GEN1: variants seen among roughly 807,000 people sequenced by gnomAD.
The protein encoded by GEN1 is GEN1 structure-specific endonuclease, also known as flap endonuclease GEN homolog 1.
A neutral mutation model predicts 67.6 loss-of-function variants in GEN1; 64 were observed. That is an observed-to-expected ratio of 0.95 (90% CI 0.77 to 1.17). The LOEUF (loss-of-function observed/expected upper bound fraction) is 1.17, where lower values mean the gene tolerates loss of function less well. Among genes scored for constraint, GEN1 ranks in the 50% most tolerant of loss-of-function variants. The probability of loss-of-function intolerance (pLI) is 0.00; values close to 1 mark genes in which losing one functional copy is unlikely to be tolerated. For missense variants in GEN1, 1,058 were observed against 1,048.3 expected (o/e 1.01, Z -0.13); for synonymous variants, 371 against 359.4 (o/e 1.03, Z -0.37).
At position 17,785,147 on chromosome 2, in the gene GEN1, C is replaced by G. The variant is rs1211895358; in HGVS notation, c.*3208C>G. The G allele has an allele frequency of 6.6e-6, 1 of 152,218 alleles. No individual in the cohort carries two copies. The highest frequency in any genetic ancestry group is 6.5e-5 in the Admixed American group (1 of 15,278). 9.4% of individuals were successfully genotyped at this position (152,218 alleles called of 1,614,324 possible). ...TGGAACAGCTTCATCCCACAGCCAT[C>G]TCCCCCTCATCATCCGTGGAAAAAC... On this transcript the variant is annotated 3_prime_UTR_variant, in exon 14 of 14. Coordinates refer to ENST00000381254, the MANE Select transcript of GEN1 (RefSeq NM_001130009.3).
At chr2:17,766,737 G>A (rs765514042) in intron 5 of GEN1, 48 bp downstream of exon 5, 19 of 977,814 alleles carry the variant, frequency 1.9e-5, no homozygotes, top group Middle Eastern at 2.1e-4. Context: ...AGTCTTTTTC[G>A]TACTTTATGT....
intron 5 of GEN1, among the ~76,000 whole-genome samples, chr2:17,768,158 C>T (rs1396053330): frequency 1.3e-5 from 2 of 152,196 alleles, no homozygotes; most frequent in African/African-American, 4.8e-5. Context: ...TATTCATACA[C>T]TTATAGGGGC....
At chr2:17,779,913 C>A in intron 12 of GEN1, 65 bp from the exon 13 acceptor site, 1 of 1,349,802 alleles carries the variant, frequency 7.4e-7, no homozygotes, top group Non-Finnish European at 1.0e-6. Flanking sequence ...AGCCATCAAG[C>A]CTGACCGATT....
chr2:17,777,050 C>G (rs887779834), intron 11 of GEN1, among the ~76,000 whole-genome samples: 2 of 152,054 alleles, frequency 1.3e-5, no homozygotes, highest in Non-Finnish European at 2.9e-5. Flanking sequence ...CTCTTGAACC[C>G]AGGAGGCAGA....
chr2:17,754,373 G>T (rs1671290235), intron 1 of GEN1, 28 bp downstream of exon 1: 1 of 152,188 alleles, frequency 6.6e-6, no homozygotes, highest in African/African-American at 2.4e-5. Context: ...TGGAGAGACG[G>T]CGCCGCCCGG....
chr2:17,761,694 G>T, intron 3 of GEN1, 112 bp downstream of exon 3: 1 of 704,226 alleles, frequency 1.4e-6, no homozygotes, highest in East Asian at 3.0e-5. Context: ...TAGCAGGGAT[G>T]TGCCTAGAGA....
intron 4 of GEN1, among the ~76,000 whole-genome samples, 187 bp from the exon 5 acceptor site, chr2:17,766,392 A>T (rs767327188): frequency 6.6e-6 from 1 of 151,962 alleles, no homozygotes; most frequent in Non-Finnish European, 1.5e-5. Flanking sequence ...CTGGTCTCAA[A>T]CTCCTGACCT....
At chr2:17,779,429 A>G (rs1394878562) in intron 12 of GEN1, among the ~76,000 whole-genome samples, 1 of 152,258 alleles carries the variant, frequency 6.6e-6, no homozygotes, top group African/African-American at 2.4e-5. Flanking sequence ...AAGAGGATTT[A>G]AAGTTCTAAT....
At position 17,780,752 on chromosome 2, in the gene GEN1, G is replaced by A. The variant is rs374734445; in HGVS notation, c.1540G>A (p.Asp514Asn). 2 of 1,613,872 alleles carry A rather than the reference G, an allele frequency of 1.2e-6. No individual in the cohort carries two copies. Among genetic ancestry groups the A allele is most frequent in the South Asian group, 1.1e-5 (1 of 91,072 alleles). Residue 514 changes from aspartate (D) to asparagine (N), a missense_variant, in exon 14 of 14, where the codon GAT becomes AAT. Asp to Asn is a conservative substitution (Grantham distance 23). Coordinates refer to ENST00000381254, the MANE Select transcript of GEN1 (RefSeq NM_001130009.3). ...NSKLNSGISP[D>N]PTLPQESISA... Reference sequence around the variant, plus strand: ...CAAGTTAAATTCGGGGATTTCCCCTGATCCTACATTACCACAGGAATCTAT... The same window carrying A: ...CAAGTTAAATTCGGGGATTTCCCCTAATCCTACATTACCACAGGAATCTAT...
At position 17,771,273 on chromosome 2, in the gene GEN1, T is replaced by C. The variant is rs1672178207; in HGVS notation, c.788T>C (p.Val263Ala). 1 of 1,598,348 alleles carries C rather than the reference T, an allele frequency of 6.3e-7. No homozygotes were observed. Among genetic ancestry groups the C allele is most frequent in the African/African-American group, 1.3e-5 (1 of 74,564 alleles). ...LVTKKLAHCS[V>A]CSHPGSPKDH... ...ACTAAAAAACTGGCTCATTGTTCCG[T>C]ATGTTCCCATCCAGGTAAGGAGACA... Residue 263 changes from valine to alanine, a missense_variant, in exon 7 of 14, where the codon GTA (valine) becomes GCA (alanine). Transcript: ENST00000381254.
intron 6 of GEN1, 150 bp downstream of exon 6, chr2:17,768,961 T>G (rs528526577): frequency 1.3e-4 from 66 of 489,274 alleles, no homozygotes; most frequent in African/African-American, 1.1e-3. Context: ...AATTTATTTT[T>G]ATTTATTTTG....
At chr2:17,760,745 C>A (rs1339339190) in intron 2 of GEN1, among the ~76,000 whole-genome samples, 1 of 151,904 alleles carries the variant, frequency 6.6e-6, no homozygotes, top group African/African-American at 2.4e-5. Flanking sequence ...GATGGAGAAA[C>A]CCCATCTCTA....
Position 17,783,978 on chromosome 2 carries a change from A to C in GEN1, c.*2039A>C, listed in dbSNP as rs1672960880. ...ATATACCCAAAGCATAGGCAACAAA[A>C]GAGAATACACAAACTGGACTTCATC... is the stretch of plus-strand genomic sequence containing the variant. On this transcript the variant is annotated 3_prime_UTR_variant, in exon 14 of 14. Transcript: ENST00000381254. 6.6e-6 allele frequency: 1 copy of C among 152,258 alleles called. No homozygotes were observed. Among genetic ancestry groups the C allele is most frequent in the Non-Finnish European group, 1.5e-5 (1 of 68,040 alleles). The allele number at this position is 152,258 out of a possible 1,614,324, so 9.4% of individuals were successfully genotyped here. A position where few individuals can be genotyped will look rare whatever the true frequency, so the allele number is the denominator to read the frequency against.
At chr2:17,755,600 T>C (rs1267559763) in intron 1 of GEN1, 1 of 152,202 alleles carries the variant, frequency 6.6e-6, no homozygotes, top group African/African-American at 2.4e-5. Context: ...TGAAATAGTT[T>C]TCACCATTTA....
chr2:17,762,442 C>T lies in GEN1; in HGVS notation c.348+860C>T, dbSNP rs189033577. Among the ~76,000 whole-genome samples, 57 of 151,994 alleles carry T rather than the reference C, an allele frequency of 3.8e-4. 1 individual carries two copies. Among genetic ancestry groups the T allele is most frequent in the African/African-American group, 1.0e-3 (42 of 41,492 alleles). On this transcript the variant is annotated intron_variant, in intron 3 of 13. Coordinates refer to ENST00000381254, the MANE Select transcript of GEN1 (RefSeq NM_001130009.3). ...CAGAATGGTCTCGATCTCCTGACTTCGTGATCCGCCTGCCTCGGCCTCCTG... is the reference window on the plus strand; with the variant it reads ...CAGAATGGTCTCGATCTCCTGACTTTGTGATCCGCCTGCCTCGGCCTCCTG...
intron 5 of GEN1, among the ~76,000 whole-genome samples, chr2:17,767,109 G>A (rs1000802184): frequency 7.9e-5 from 12 of 152,066 alleles, no homozygotes; most frequent in Non-Finnish European, 1.6e-4. Context: ...GCTAAGTCAC[G>A]TGATCATTGG....
intron 3 of GEN1, among the ~76,000 whole-genome samples, chr2:17,764,541 G>C (rs550311083): frequency 1.3e-5 from 2 of 152,006 alleles, no homozygotes; most frequent in South Asian, 4.2e-4. Flanking sequence ...CCATTATCTT[G>C]GCTCATCTTG....
At position 17,785,921 on chromosome 2, in the gene GEN1, T is replaced by C. The variant is rs1463399504; in HGVS notation, c.*3982T>C. 6.6e-6 allele frequency: 1 copy of C among 152,082 alleles called. No homozygotes were observed. The highest frequency in any genetic ancestry group is 2.4e-5 in the African/African-American group (1 of 41,424). 9.4% of individuals were successfully genotyped at this position (152,082 alleles called of 1,614,324 possible). A position where few individuals can be genotyped will look rare whatever the true frequency, so the allele number is the denominator to read the frequency against. On this transcript the variant is annotated 3_prime_UTR_variant, in exon 14 of 14. Transcript: ENST00000381254. ...AATTAAAATTTAAATTAAAAAAAAA[T>C]ATACAATCTCCGTCTTCTAGATTTT...
At chr2:17,761,066 A>C (rs1671654990) in intron 2 of GEN1, among the ~76,000 whole-genome samples, 1 of 152,126 alleles carries the variant, frequency 6.6e-6, no homozygotes, top group Non-Finnish European at 1.5e-5. Context: ...CCCCATCTCT[A>C]CAAAAAATAC....
Sources: gnomAD v4.1 joint callset for allele counts (sites outside exome capture counted in the v4.1 genomes callset) on GRCh38, gnomAD v4.1.1 for gene constraint, MANE v1.5 for transcripts, NCBI Gene and HGNC (gene_info 2026-07-23, HGNC 2026-07-21) for gene names.